TBC1D1: variants seen among roughly 807,000 people sequenced by gnomAD.
The protein encoded by TBC1D1 is TBC1 (tre-2/USP6, BUB2, cdc16) domain family, member 1.
Under a neutral mutation model 125.6 loss-of-function variants are expected in TBC1D1, and 89 were observed. The ratio of observed to expected loss-of-function variants is 0.71; its 90% CI spans 0.60 to 0.85. The LOEUF is 0.85. TBC1D1 is among the 40% of genes least tolerant of loss of function. The pLI is 0.00. For missense variants in TBC1D1, 1,377 were observed against 1,469.2 expected (o/e 0.94, Z 1.03); for synonymous variants, 565 against 564.1 (o/e 1.00, Z -0.02).
intron 11 of TBC1D1, among the ~76,000 whole-genome samples, chr4:38,052,728 GCACACACACACA>G (rs56153191): frequency 1.4e-4 from 16 of 118,344 alleles, no homozygotes; most frequent in South Asian, 2.8e-4. Context: ...GCGCGCGCGC[GCACACACACACA>G]CACACACACA....
At chr4:38,134,734 T>A (rs1052957721) in intron 19 of TBC1D1, among the ~76,000 whole-genome samples, 1 of 152,292 alleles carries the variant, frequency 6.6e-6, no homozygotes. Flanking sequence ...ATGCTGCTCC[T>A]GTGCTATTGT....
intron 13 of TBC1D1, among the ~76,000 whole-genome samples, chr4:38,092,489 G>C (rs1758587076): frequency 6.6e-6 from 1 of 152,102 alleles, no homozygotes; most frequent in South Asian, 2.1e-4. Flanking sequence ...CCAGCACTTT[G>C]GGAGGCTGAG....
chr4:37,903,390 C>A (rs1344933063), intron 2 of TBC1D1, among the ~76,000 whole-genome samples: 1 of 152,170 alleles, frequency 6.6e-6, no homozygotes, highest in Non-Finnish European at 1.5e-5. Context: ...CAGTTGGGCT[C>A]AGGGCTCCAC....
intron 2 of TBC1D1, among the ~76,000 whole-genome samples, chr4:37,915,032 A>G (rs928890589): frequency 6.6e-6 from 1 of 152,234 alleles, no homozygotes; most frequent in Non-Finnish European, 1.5e-5. Flanking sequence ...ATATGCTTCC[A>G]TGTTAACCAC....
chr4:37,961,874 C>T (rs1334782545), intron 2 of TBC1D1, among the ~76,000 whole-genome samples: 1 of 152,194 alleles, frequency 6.6e-6, no homozygotes, highest in Non-Finnish European at 1.5e-5. Context: ...AAAAAAGATG[C>T]AAGGTCTCAG....
chr4:37,987,760 T>C lies in TBC1D1; in HGVS notation c.418-26749T>C, dbSNP rs975771772. ...TAGACCGAAAGAGGTCAGTTTTGAG[T>C]GACCACATGAGATTGCATTTTCTCG... On this transcript the variant is annotated intron_variant, in intron 2 of 19. Coordinates refer to ENST00000261439, the MANE Select transcript of TBC1D1 (RefSeq NM_015173.4). Among the ~76,000 whole-genome samples the C allele has an allele frequency of 7.9e-5, 12 of 152,230 alleles. No homozygotes were observed. In the East Asian group the frequency reaches 2.1e-3, roughly 27 times the overall value.
At chr4:38,113,173 A>G (rs1381953325) in intron 15 of TBC1D1, among the ~76,000 whole-genome samples, 1 of 152,128 alleles carries the variant, frequency 6.6e-6, no homozygotes, top group East Asian at 1.9e-4. Context: ...TTCTTGAAAG[A>G]TTATTAGGAA....
chr4:38,091,302 G>A (rs1307121096), intron 13 of TBC1D1, among the ~76,000 whole-genome samples: 1 of 152,236 alleles, frequency 6.6e-6, no homozygotes, highest in African/African-American at 2.4e-5. Context: ...TGAGAAAGAC[G>A]GGTCCTCTCA....
chr4:37,930,224 G>A (rs1422219079), intron 2 of TBC1D1, among the ~76,000 whole-genome samples: 2 of 152,276 alleles, frequency 1.3e-5, no homozygotes, highest in Middle Eastern at 3.4e-3. Context: ...AAAACATAAT[G>A]CTGATCAAAT....
At chr4:38,039,416 C>T (rs1198349726) in intron 8 of TBC1D1, among the ~76,000 whole-genome samples, 15 of 151,988 alleles carry the variant, frequency 9.9e-5, no homozygotes, top group Middle Eastern at 3.4e-3. Flanking sequence ...CGCGCCTGGC[C>T]GGCATCATAC....
chr4:37,943,936 C>T (rs1726106862), intron 2 of TBC1D1, among the ~76,000 whole-genome samples: 1 of 152,174 alleles, frequency 6.6e-6, no homozygotes, highest in Non-Finnish European at 1.5e-5. Flanking sequence ...TTCAGCTTTT[C>T]TGCTCTGTTT....
Position 38,034,996 on chromosome 4 carries a change from A to G in TBC1D1, c.1303-592A>G, listed in dbSNP as rs539592304. Among the ~76,000 whole-genome samples the G allele has an allele frequency of 9.2e-5, 14 of 152,340 alleles. No homozygotes were observed. The South Asian group carries it at 1.7e-3, about 18-fold the overall frequency. ...CACTTCTCGGCAGCAGCCGGAACCT[A>G]CATGTCCTGACTTCTGGTCCAGTGT... On this transcript the variant is annotated intron_variant, in intron 7 of 19. Coordinates refer to ENST00000261439, the MANE Select transcript of TBC1D1 (RefSeq NM_015173.4).
intron 12 of TBC1D1, among the ~76,000 whole-genome samples, chr4:38,063,448 G>A (rs1490634645): frequency 6.7e-6 from 1 of 149,486 alleles, no homozygotes; most frequent in African/African-American, 2.5e-5. Context: ...GGAAGGGTTG[G>A]ATCAGCTCTG....
chr4:37,976,429 T>G (rs1578120359), intron 2 of TBC1D1, among the ~76,000 whole-genome samples: 1 of 152,272 alleles, frequency 6.6e-6, no homozygotes, highest in Non-Finnish European at 1.5e-5. Flanking sequence ...GGTAACTTTT[T>G]ATACAGCAAT....
At chr4:38,116,967 C>A (rs748903200) in intron 16 of TBC1D1, among the ~76,000 whole-genome samples, 5 of 152,206 alleles carry the variant, frequency 3.3e-5, no homozygotes, top group Non-Finnish European at 7.3e-5. Context: ...AGAAGGAACT[C>A]ATTCACTGAA....
intron 2 of TBC1D1, among the ~76,000 whole-genome samples, chr4:37,942,982 C>T (rs879943654): frequency 6.6e-6 from 1 of 152,134 alleles, no homozygotes; most frequent in Non-Finnish European, 1.5e-5. Context: ...ACCAGTTGTT[C>T]CTTTCCATGT....
chr4:38,094,605 A>T (rs1292125931), intron 13 of TBC1D1, among the ~76,000 whole-genome samples: 1 of 152,150 alleles, frequency 6.6e-6, no homozygotes, highest in Non-Finnish European at 1.5e-5. Flanking sequence ...ATGTTTGTGG[A>T]TTGAGCCTTT....
chr4:38,120,771 G>A (rs1159079560), intron 17 of TBC1D1, among the ~76,000 whole-genome samples: 3 of 152,136 alleles, frequency 2.0e-5, no homozygotes, highest in Admixed American at 1.3e-4. Flanking sequence ...TCTAGCTTGA[G>A]TACAGCAGGG....
chr4:37,960,393 G>T, intron 2 of TBC1D1: 1 of 1,527,736 alleles, frequency 6.5e-7, no homozygotes, highest in Non-Finnish European at 8.9e-7. Context: ...TGGGACCACG[G>T]TCTTAGATGA....
Sources: gnomAD v4.1 joint callset for allele counts (sites outside exome capture counted in the v4.1 genomes callset) on GRCh38, gnomAD v4.1.1 for gene constraint, MANE v1.5 for transcripts, NCBI Gene and HGNC (gene_info 2026-07-23, HGNC 2026-07-21) for gene names.